Variants in SGSM1 observed in about 807,000 individuals in gnomAD.
SGSM1 encodes the protein small G protein signaling modulator 1, also known as RUN and TBC1 domain containing 2.
In SGSM1, 73 loss-of-function variants were observed where a neutral mutation model predicts 133.8. That is an observed-to-expected ratio of 0.55 (90% CI 0.45 to 0.66). The LOEUF (loss-of-function observed/expected upper bound fraction) is 0.66, where lower values mean the gene tolerates loss of function less well. Ranked by LOEUF, SGSM1 falls within the 30% of genes least tolerant of loss-of-function variation. The pLI, the probability that SGSM1 is intolerant of heterozygous loss-of-function variation, is 0.00. For missense variants in SGSM1, 1,213 were observed against 1,448.1 expected (o/e 0.84, Z 2.64); for synonymous variants, 563 against 573.0 (o/e 0.98, Z 0.25).
Position 24,821,605 on chromosome 22 carries a change from C to T in SGSM1, c.63+15121C>T, listed in dbSNP as rs1364469828. ...AAAAGCTCCAAAGTCCATTGCAAGT[C>T]ATGGTGGGCTGCGGGCACAGGGGAT... On this transcript the variant is annotated intron_variant, in intron 2 of 24. Coordinates refer to ENST00000400358, the MANE Select transcript of SGSM1 (RefSeq NM_001098497.3). Among the ~76,000 whole-genome samples, 4 of 152,214 alleles carry T rather than the reference C, an allele frequency of 2.6e-5. No individual in the cohort carries two copies. In the South Asian group the frequency reaches 6.2e-4, roughly 24 times the overall value.
chr22:24,845,940 C>T (rs1930078376), intron 3 of SGSM1, among the ~76,000 whole-genome samples: 2 of 130,718 alleles, frequency 1.5e-5, no homozygotes, highest in Non-Finnish European at 3.3e-5. Context: ...CTTTTCTTTT[C>T]TTTTCTTTCT....
At chr22:24,872,171 T>C (rs1931797226) in intron 12 of SGSM1, among the ~76,000 whole-genome samples, 2 of 152,266 alleles carry the variant, frequency 1.3e-5, no homozygotes, top group East Asian at 3.9e-4. Context: ...GCCTTAAATA[T>C]AAAGGATTTC....
intron 13 of SGSM1, among the ~76,000 whole-genome samples, chr22:24,878,438 C>T (rs2147889448): frequency 6.6e-6 from 1 of 152,292 alleles, no homozygotes; most frequent in Non-Finnish European, 1.5e-5. Context: ...GTCTGAGCCT[C>T]ATCAACCTGA....
intron 14 of SGSM1, among the ~76,000 whole-genome samples, chr22:24,881,642 T>C (rs1305775607): frequency 6.6e-6 from 1 of 152,160 alleles, no homozygotes. Context: ...CTGGGAACAG[T>C]TCCTTGCCAT....
chr22:24,901,766 T>C (rs1933167694), intron 19 of SGSM1, 67 bp from the exon 20 acceptor site: 1 of 1,561,086 alleles, frequency 6.4e-7, no homozygotes, highest in African/African-American at 1.4e-5. Flanking sequence ...GGATTGCTGC[T>C]TTCCAGTGGG....
At position 24,893,434 on chromosome 22, in the gene SGSM1, G is replaced by A; in HGVS notation, c.1774G>A (p.Asp592Asn). 2 of 1,613,610 alleles carry A rather than the reference G, an allele frequency of 1.2e-6. No homozygotes were observed. The highest frequency in any genetic ancestry group is 1.7e-6 in the Non-Finnish European group (2 of 1,179,732). ...GACATTGCATCTGCCCTGGCAGGTG[G>A]ACGAGCAGATTCATGCCTGCTATGC... ...GMTETERKEV[D>N]EQIHACYAQT... The change falls in exon 17 of 25, where the codon GAC becomes AAC. Residue 592 changes from aspartate (D) to asparagine (N), a missense_variant. Coordinates refer to ENST00000400358, the MANE Select transcript of SGSM1 (RefSeq NM_001098497.3).
Position 24,847,797 on chromosome 22 carries a change from G to A in SGSM1, c.302+1G>A, listed in dbSNP as rs1368061642. On this transcript the variant is annotated splice_donor_variant, in intron 4 of 24. Coordinates refer to ENST00000400358, the MANE Select transcript of SGSM1 (RefSeq NM_001098497.3). LOFTEE classifies it high-confidence loss of function. ...ACCTGGAGCAGCTGATCGAGAGCGC[G>A]TGAGTGCAAAGCATGGGGCACAGGT... is the stretch of plus-strand genomic sequence containing the variant. 4 of 1,613,302 alleles carry A rather than the reference G, an allele frequency of 2.5e-6. No individual in the cohort carries two copies. Among genetic ancestry groups the A allele is most frequent in the Non-Finnish European group, 3.4e-6 (4 of 1,179,632 alleles).
intron 14 of SGSM1, among the ~76,000 whole-genome samples, chr22:24,881,418 T>C (rs1191216242): frequency 1.4e-5 from 2 of 147,332 alleles, no homozygotes; most frequent in Non-Finnish European, 3.0e-5. Flanking sequence ...TACAAAAAAT[T>C]AGTCGGGTGT....
chr22:24,922,999 A>C (rs1934067289), intron 24 of SGSM1, among the ~76,000 whole-genome samples: 2 of 152,148 alleles, frequency 1.3e-5, no homozygotes, highest in African/African-American at 4.8e-5. Context: ...GTGATGGTGC[A>C]TACCTGTAAT....
chr22:24,854,490 AC>A (rs900807542), intron 5 of SGSM1, among the ~76,000 whole-genome samples: 13 of 152,076 alleles, frequency 8.5e-5, no homozygotes, highest in African/African-American at 3.1e-4. Context: ...CCCGCTAAAT[AC>A]CTTTAATTTT....
chr22:24,807,228 G>T (rs140533182), intron 2 of SGSM1, among the ~76,000 whole-genome samples: 1 of 152,168 alleles, frequency 6.6e-6, no homozygotes, highest in African/African-American at 2.4e-5. Flanking sequence ...TATAGTCCTT[G>T]GGGTAGCATC....
At chr22:24,809,158 C>T (rs1300813767) in intron 2 of SGSM1, among the ~76,000 whole-genome samples, 1 of 152,180 alleles carries the variant, frequency 6.6e-6, no homozygotes, top group Non-Finnish European at 1.5e-5. Flanking sequence ...CACGTCTCCC[C>T]TGTCCTTTCC....
At chr22:24,824,781 A>G (rs1928705426) in intron 2 of SGSM1, among the ~76,000 whole-genome samples, 1 of 152,078 alleles carries the variant, frequency 6.6e-6, no homozygotes, top group African/African-American at 2.4e-5. Flanking sequence ...GACCTTCCCC[A>G]CTACGCTGTC....
At chr22:24,880,905 T>C (rs1479207549) in intron 14 of SGSM1, among the ~76,000 whole-genome samples, 2 of 152,098 alleles carry the variant, frequency 1.3e-5, no homozygotes, top group African/African-American at 2.4e-5. Flanking sequence ...AAGATGGAAA[T>C]AATGGGCAGG....
At chr22:24,834,547 C>T (rs573460995) in intron 2 of SGSM1, among the ~76,000 whole-genome samples, 1 of 152,230 alleles carries the variant, frequency 6.6e-6, no homozygotes, top group South Asian at 2.1e-4. Context: ...AAAAAGTTTG[C>T]CGGGTACATG....
At chr22:24,848,115 A>G (rs1229958323) in intron 4 of SGSM1, among the ~76,000 whole-genome samples, 1 of 151,688 alleles carries the variant, frequency 6.6e-6, no homozygotes, top group Non-Finnish European at 1.5e-5. Flanking sequence ...TTGGCCATCT[A>G]TAGTTATTCA....
intron 16 of SGSM1, among the ~76,000 whole-genome samples, chr22:24,889,814 TA>T (rs1932776144): frequency 6.7e-6 from 1 of 148,724 alleles, no homozygotes; most frequent in Non-Finnish European, 1.5e-5. Flanking sequence ...CATGCCTGGC[TA>T]ATTTTTTGTA....
At chr22:24,894,282 A>G (rs1456974404) in intron 17 of SGSM1, among the ~76,000 whole-genome samples, 1 of 152,216 alleles carries the variant, frequency 6.6e-6, no homozygotes, top group African/African-American at 2.4e-5. Context: ...AATCCCAGCT[A>G]CTTGAGAGGC....
chr22:24,912,149 T>C (rs897675813), intron 21 of SGSM1, among the ~76,000 whole-genome samples: 1 of 151,038 alleles, frequency 6.6e-6, no homozygotes, highest in Non-Finnish European at 1.5e-5. Flanking sequence ...TAAGGGAACA[T>C]AACCAATTGA....
Sources: gnomAD v4.1 joint callset for allele counts (sites outside exome capture counted in the v4.1 genomes callset) on GRCh38, gnomAD v4.1.1 for gene constraint, MANE v1.5 for transcripts, NCBI Gene and HGNC (gene_info 2026-07-23, HGNC 2026-07-21) for gene names.